The following NECAB2 variants were observed in gnomAD, a reference collection of about 807,000 sequenced individuals.
NECAB2 encodes N-terminal EF-hand calcium-binding protein 2.
Under a neutral mutation model 51.9 loss-of-function variants are expected in NECAB2, and 68 were observed. The ratio of observed to expected loss-of-function variants is 1.31; its 90% CI spans 1.08 to 1.60. NECAB2 has a LOEUF of 1.60. Among genes scored for constraint, NECAB2 ranks in the 40% most tolerant of loss-of-function variants. The probability of loss-of-function intolerance (pLI) is 0.00; values close to 1 mark genes in which losing one functional copy is unlikely to be tolerated. For synonymous variants in NECAB2, 329 were observed against 203.5 expected (o/e 1.62, Z -5.25); for missense variants, 854 against 490.3 (o/e 1.74, Z -7.00).
intron 6 of NECAB2, among the ~76,000 whole-genome samples, chr16:83,991,315 C>T (rs1369717214): frequency 2.0e-5 from 3 of 151,324 alleles, no homozygotes; most frequent in African/African-American, 7.3e-5. Context: ...CTTTCTTTCT[C>T]TCTTTCTCTC....
At chr16:83,992,026 C>G (rs957825889) in intron 6 of NECAB2, among the ~76,000 whole-genome samples, 1 of 152,066 alleles carries the variant, frequency 6.6e-6, no homozygotes, top group Non-Finnish European at 1.5e-5. Flanking sequence ...CATCACATGC[C>G]GTAAGTGAAG....
chr16:83,987,775 T>G (rs2084574283), intron 5 of NECAB2, among the ~76,000 whole-genome samples: 1 of 152,224 alleles, frequency 6.6e-6, no homozygotes, highest in African/African-American at 2.4e-5. Context: ...TGTCCATATT[T>G]TGCACTATTT....
intron 2 of NECAB2, among the ~76,000 whole-genome samples, chr16:83,974,401 A>G (rs117192069): frequency 0.012 from 1,884 of 152,286 alleles, 20 homozygotes; most frequent in South Asian, 0.025. Flanking sequence ...GAAGATATCA[A>G]TAAGTCCCCG....
chr16:83,985,585 A>C (rs949788187), intron 5 of NECAB2, among the ~76,000 whole-genome samples: 1 of 151,734 alleles, frequency 6.6e-6, no homozygotes, highest in Non-Finnish European at 1.5e-5. Context: ...GTGAGCCGAG[A>C]CTGCCCCACT....
rs572691515 is a variant in NECAB2 at position 83,994,538 on chromosome 16, G to T, written c.716-71G>T. The T allele has an allele frequency of 6.3e-6, 10 of 1,599,568 alleles. No individual in the cohort carries two copies. The African/African-American group carries it at 1.3e-4, about 21-fold the overall frequency. ...TTTGATGCCCCTGGAGGGGCTGGAT[G>T]TTTCCAGCTTCCCCCCGAAGCCCTC... On this transcript the variant is annotated intron_variant, in intron 7 of 12. Transcript: ENST00000305202.
intron 10 of NECAB2, 48 bp downstream of exon 10, chr16:83,998,365 C>G (rs763839543): frequency 4.5e-6 from 7 of 1,569,496 alleles, no homozygotes; most frequent in Non-Finnish European, 6.1e-6. Flanking sequence ...GGGAGCTCTG[C>G]CTGGCAGTGG....
chr16:83,999,289 A>C (rs28704070), intron 10 of NECAB2, among the ~76,000 whole-genome samples: 39,962 of 151,940 alleles, frequency 0.26, 10,218 homozygotes, highest in African/African-American at 0.67. Context: ...GACCCACTCC[A>C]CTCCAGGAGG....
intron 5 of NECAB2, among the ~76,000 whole-genome samples, chr16:83,986,881 C>T (rs766859755): frequency 7.2e-5 from 11 of 152,000 alleles, no homozygotes; most frequent in Non-Finnish European, 1.3e-4. Flanking sequence ...TTAAAAGTTG[C>T]TCCAGGGAGG....
chr16:83,998,100 G>C, intron 9 of NECAB2, 105 bp from the exon 10 acceptor site: 2 of 973,576 alleles, frequency 2.1e-6, no homozygotes, highest in South Asian at 3.0e-5. Flanking sequence ...GTGGGGGAGG[G>C]TTATTTTATT....
intron 1 of NECAB2, chr16:83,971,789 G>A (rs979929167): frequency 9.1e-5 from 37 of 406,736 alleles, no homozygotes; most frequent in African/African-American, 3.7e-4. Flanking sequence ...ACACTGATTC[G>A]GAGTGTGGTT....
At chr16:83,965,646 A>T (rs1481799294), upstream of NECAB2, 37 of 1,613,238 alleles carry the variant, frequency 2.3e-5, no homozygotes, top group Non-Finnish European at 3.1e-5. Flanking sequence ...TATGAGGGTT[A>T]CCGCAGCCTC....
At chr16:83,987,953 T>G (rs2084576166) in intron 5 of NECAB2, among the ~76,000 whole-genome samples, 1 of 152,240 alleles carries the variant, frequency 6.6e-6, no homozygotes, top group Non-Finnish European at 1.5e-5. Flanking sequence ...CACGTCTTTG[T>G]TATAACTTTA....
At position 84,002,685 on chromosome 16, in the gene NECAB2, T is replaced by C. The variant is rs796100194; in HGVS notation, c.*339T>C. 28 of 386,842 alleles carry C rather than the reference T, an allele frequency of 7.2e-5. 1 individual carries two copies. The highest frequency in any genetic ancestry group is 5.7e-4 in the African/African-American group (28 of 49,026). The allele number at this position is 386,842 out of a possible 1,614,324, so 24.0% of individuals were successfully genotyped here. ...ACCCTGCCCTCTTCGGTGACATTCTTCTACCTAGTAGGAGTCATGCCCCTG... is the reference window on the plus strand; with the variant it reads ...ACCCTGCCCTCTTCGGTGACATTCTCCTACCTAGTAGGAGTCATGCCCCTG... On this transcript the variant is annotated 3_prime_UTR_variant, in exon 13 of 13. Coordinates refer to ENST00000305202, the MANE Select transcript of NECAB2 (RefSeq NM_019065.3).
At chr16:84,000,985 T>A (rs1424192810) in intron 11 of NECAB2, among the ~76,000 whole-genome samples, 184 bp downstream of exon 11, 2 of 147,566 alleles carry the variant, frequency 1.4e-5, no homozygotes, top group Non-Finnish European at 1.5e-5. Flanking sequence ...TCTTGGTGGG[T>A]AGTGAGAGCC....
At chr16:83,999,670 G>A (rs1292682364) in intron 10 of NECAB2, among the ~76,000 whole-genome samples, 2 of 152,098 alleles carry the variant, frequency 1.3e-5, no homozygotes, top group African/African-American at 4.8e-5. Flanking sequence ...TAGACTATCA[G>A]CACCTTTAAA....
At chr16:83,986,864 C>T (rs1482462321) in intron 5 of NECAB2, among the ~76,000 whole-genome samples, 1 of 152,076 alleles carries the variant, frequency 6.6e-6, no homozygotes, top group African/African-American at 2.4e-5. Flanking sequence ...TCTATATCCA[C>T]AGAGTTTTAA....
In NECAB2 at chr16:84,001,204, C is replaced by T. The variant is rs143041570; in HGVS notation, c.1040+403C>T. Among the ~76,000 whole-genome samples, 441 of 151,892 alleles carry T rather than the reference C, an allele frequency of 2.9e-3. 1 individual carries two copies. Among genetic ancestry groups the T allele is most frequent in the African/African-American group, 9.4e-3 (389 of 41,194 alleles). ...CTCCCCTCCAGCTGAGTGCCCGGTA[C>T]GAGGGACGGAGATGGGGTAGGGTGT... On this transcript the variant is annotated intron_variant, in intron 11 of 12. Coordinates refer to ENST00000305202, the MANE Select transcript of NECAB2 (RefSeq NM_019065.3).
intron 5 of NECAB2, among the ~76,000 whole-genome samples, chr16:83,982,638 G>A (rs925426023): frequency 2.0e-5 from 3 of 152,158 alleles, no homozygotes; most frequent in Admixed American, 6.5e-5. Flanking sequence ...TGAGGCATTC[G>A]TAACATCCAT....
At position 84,002,343 on chromosome 16, in the gene NECAB2, C is replaced by A; in HGVS notation, c.1158C>A (p.Asp386Glu). ...VPAAWCTVGR[D>E] Reference sequence around the variant, plus strand: ...CTGCTTGGTGCACGGTGGGACGGGACTGACAGCCTCCCAGAGGCCCGTGGA... The same window carrying A: ...CTGCTTGGTGCACGGTGGGACGGGAATGACAGCCTCCCAGAGGCCCGTGGA... Residue 386 changes from aspartate to glutamate, a missense_variant, in exon 13 of 13, where the codon GAC becomes GAA. Asp to Glu is a conservative substitution (Grantham distance 45, BLOSUM62 2). Transcript: ENST00000305202. The A allele has an allele frequency of 6.2e-7, 1 of 1,614,042 alleles. No homozygotes were observed. Among genetic ancestry groups the A allele is most frequent in the Non-Finnish European group, 8.5e-7 (1 of 1,179,954 alleles).
Sources: gnomAD v4.1 joint callset for allele counts (sites outside exome capture counted in the v4.1 genomes callset) on GRCh38, gnomAD v4.1.1 for gene constraint, MANE v1.5 for transcripts, NCBI Gene and HGNC (gene_info 2026-07-23, HGNC 2026-07-21) for gene names.